Variants in RNGTT observed in about 807,000 individuals in gnomAD.
RNGTT encodes the protein mRNA-capping enzyme.
Under a neutral mutation model 79.3 loss-of-function variants are expected in RNGTT, and 33 were observed. The observed-to-expected ratio is 0.42, with a 90% CI of 0.32 to 0.56. The LOEUF is 0.56. RNGTT is among the 20% of genes least tolerant of loss of function. The pLI is 0.17. For missense variants in RNGTT, 497 were observed against 739.1 expected (o/e 0.67, Z 3.80); for synonymous variants, 222 against 235.9 (o/e 0.94, Z 0.54).
At chr6:88,956,040 CA>C (rs750272502) in intron 1 of RNGTT, among the ~76,000 whole-genome samples, 708 of 23,636 alleles carry the variant, frequency 0.03, 2 homozygotes, top group African/African-American at 0.094. Flanking sequence ...GACTCTGTCT[CA>C]AAAAAAAAAA....
chr6:88,674,302 C>T (rs1312792880), intron 14 of RNGTT, among the ~76,000 whole-genome samples: 1 of 152,158 alleles, frequency 6.6e-6, no homozygotes, highest in African/African-American at 2.4e-5. Context: ...AATCCCGGCA[C>T]TTTCGGAGGC....
At chr6:88,753,673 T>C (rs1341730508) in intron 13 of RNGTT, among the ~76,000 whole-genome samples, 2 of 151,870 alleles carry the variant, frequency 1.3e-5, no homozygotes, top group Admixed American at 6.6e-5. Context: ...TAAATAGTAA[T>C]GATTTAAATA....
chr6:88,725,362 A>G (rs1776855995), intron 13 of RNGTT, among the ~76,000 whole-genome samples: 1 of 151,998 alleles, frequency 6.6e-6, no homozygotes, highest in South Asian at 2.1e-4. Context: ...GATGTTGCAG[A>G]TGGTGAAGTA....
chr6:88,853,921 A>T (rs1213293928), intron 8 of RNGTT, among the ~76,000 whole-genome samples, 157 bp from the exon 9 acceptor site: 3 of 143,248 alleles, frequency 2.1e-5, no homozygotes, highest in African/African-American at 5.1e-5. Flanking sequence ...ACAAATAATA[A>T]TTTTTTTTTT....
At chr6:88,958,996 TATGTATATATACC>T (rs796154794) in intron 1 of RNGTT, among the ~76,000 whole-genome samples, 107 of 152,304 alleles carry the variant, frequency 7.0e-4, no homozygotes, top group African/African-American at 2.2e-3. Context: ...GAAAATGTGA[TATGTATATATACC>T]ATGGAATACT....
At chr6:88,738,181 C>T (rs1028944509) in intron 13 of RNGTT, among the ~76,000 whole-genome samples, 1 of 149,746 alleles carries the variant, frequency 6.7e-6, no homozygotes, top group African/African-American at 2.4e-5. Context: ...TAAACCCATA[C>T]CCCAAGTCTG....
chr6:88,817,264 A>G (rs1031251487), intron 11 of RNGTT, among the ~76,000 whole-genome samples: 5 of 152,166 alleles, frequency 3.3e-5, no homozygotes, highest in African/African-American at 4.8e-5. Context: ...AGGTACAGTT[A>G]TCTCACTTCA....
chr6:88,671,791 A>G (rs1774649854), intron 14 of RNGTT, among the ~76,000 whole-genome samples: 1 of 152,198 alleles, frequency 6.6e-6, no homozygotes, highest in Non-Finnish European at 1.5e-5. Flanking sequence ...AGAACCTAGA[A>G]ATAACGCCAC....
rs75402949 is a variant in RNGTT at position 88,765,981 on chromosome 6, A to G, written c.1439+3793T>C. Among the ~76,000 whole-genome samples, 1,377 of 152,328 alleles carry G rather than the reference A, an allele frequency of 9.0e-3. 20 individuals are homozygous for G. Among genetic ancestry groups the G allele is most frequent in the African/African-American group, 0.031 (1,291 of 41,582 alleles). On this transcript the variant is annotated intron_variant, in intron 13 of 15. Transcript: ENST00000369485. ...GAAAGTTGGACTTAGTGCAGCAAGTAACAGGTAGTATTGCAGAGGCAGCAA... is the reference window on the plus strand; with the variant it reads ...GAAAGTTGGACTTAGTGCAGCAAGTGACAGGTAGTATTGCAGAGGCAGCAA...
chr6:88,663,841 C>G (rs1458005197), intron 14 of RNGTT, among the ~76,000 whole-genome samples: 1 of 152,184 alleles, frequency 6.6e-6, no homozygotes, highest in South Asian at 2.1e-4. Context: ...GGTAGGGGTG[C>G]CTTTGTGTAC....
chr6:88,674,749 GAA>G (rs34754470), intron 14 of RNGTT, among the ~76,000 whole-genome samples: 2 of 148,964 alleles, frequency 1.3e-5, no homozygotes, highest in Non-Finnish European at 3.0e-5. Flanking sequence ...AAACAAATGT[GAA>G]AAAAAAAATC....
intron 2 of RNGTT, among the ~76,000 whole-genome samples, chr6:88,940,516 A>G (rs1380288794): frequency 6.6e-6 from 1 of 152,032 alleles, no homozygotes; most frequent in Non-Finnish European, 1.5e-5. Flanking sequence ...GGTTTCTTCA[A>G]CTGTAAACAC....
chr6:88,838,238 T>C (rs898342740), intron 11 of RNGTT, among the ~76,000 whole-genome samples: 3 of 152,122 alleles, frequency 2.0e-5, no homozygotes, highest in Non-Finnish European at 2.9e-5. Context: ...ACTGCTTCCA[T>C]ACAACATTAA....
intron 11 of RNGTT, among the ~76,000 whole-genome samples, chr6:88,827,337 T>A (rs902223572): frequency 6.6e-6 from 1 of 152,006 alleles, no homozygotes; most frequent in African/African-American, 2.4e-5. Context: ...GACTGTGCCA[T>A]GAGGGACAGT....
At chr6:88,900,163 A>G (rs921157760) in intron 6 of RNGTT, among the ~76,000 whole-genome samples, 11 of 151,966 alleles carry the variant, frequency 7.2e-5, no homozygotes, top group African/African-American at 2.7e-4. Context: ...TTGACTAGAT[A>G]TCAAAAGGAC....
intron 11 of RNGTT, among the ~76,000 whole-genome samples, chr6:88,808,779 A>C (rs1189242554): frequency 6.6e-6 from 1 of 152,202 alleles, no homozygotes; most frequent in East Asian, 1.9e-4. Flanking sequence ...GGTTTATCAT[A>C]GTCAAAACCA....
At chr6:88,675,201 T>C (rs1293042023) in intron 14 of RNGTT, among the ~76,000 whole-genome samples, 2 of 152,166 alleles carry the variant, frequency 1.3e-5, no homozygotes. Context: ...TAAATTGCCT[T>C]GAATGCTAAT....
intron 12 of RNGTT, among the ~76,000 whole-genome samples, chr6:88,771,350 T>TATATATACACAC (rs376503141): frequency 8.6e-6 from 1 of 116,252 alleles, no homozygotes; most frequent in African/African-American, 3.9e-5. Context: ...TATATATATA[T>TATATATACACAC]ACACACACAC....
At chr6:88,862,747 T>G (rs1400694393) in intron 8 of RNGTT, among the ~76,000 whole-genome samples, 1 of 152,152 alleles carries the variant, frequency 6.6e-6, no homozygotes, top group Non-Finnish European at 1.5e-5. Flanking sequence ...AGTTTCACAT[T>G]AACAAATTTA....
Sources: gnomAD v4.1 joint callset for allele counts (sites outside exome capture counted in the v4.1 genomes callset) on GRCh38, gnomAD v4.1.1 for gene constraint, MANE v1.5 for transcripts, NCBI Gene and HGNC (gene_info 2026-07-23, HGNC 2026-07-21) for gene names.